GNAS: variants seen among roughly 807,000 people sequenced by gnomAD.
The protein encoded by GNAS is GNAS complex locus, also known as protein ALEX.
Under a neutral mutation model 54.5 loss-of-function variants are expected in GNAS, and 8 were observed. The ratio of observed to expected loss-of-function variants is 0.15; its 90% CI spans 0.09 to 0.26. The LOEUF is 0.26. Among genes scored for constraint, GNAS ranks in the 10% least tolerant of loss-of-function variants. The pLI is 1.00. For synonymous variants in GNAS, 204 were observed against 191.4 expected, an observed-to-expected ratio of 1.07 and a Z score of -0.54; for missense variants, 170 against 529.8, an observed-to-expected ratio of 0.32 and a Z score of 6.67.
Position 58,909,027 on chromosome 20 carries a change from A to G in GNAS, c.531-135A>G. ...ACAAATGTAACCAACACACAAGCAA[A>G]TGTGCCATTGACTTAGTGCTGCATA... On this transcript the variant is annotated intron_variant, in intron 6 of 12. Coordinates refer to ENST00000371085, the MANE Select transcript of GNAS (RefSeq NM_000516.7). This position sits in a 1 kb window ranked among gnomAD's most constrained non-coding sequence, Gnocchi z 7.3. 1.3e-6 allele frequency: 1 copy of G among 794,024 alleles called. No homozygotes were observed. The highest frequency in any genetic ancestry group is 2.4e-5 in the East Asian group (1 of 41,236). 49.2% of individuals were successfully genotyped at this position (794,024 alleles called of 1,614,324 possible).
At chr20:58,886,659 GA>G (rs111266946), upstream of GNAS, among the ~76,000 whole-genome samples, 7,248 of 147,488 alleles carry the variant, frequency 0.049, 206 homozygotes, top group Middle Eastern at 0.082. Flanking sequence ...TAAAAGACTT[GA>G]AAAAAAAAAA....
chr20:58,868,519 G>C (rs1266239648), intron 1 of GNAS, among the ~76,000 whole-genome samples: 2 of 149,520 alleles, frequency 1.3e-5, no homozygotes, highest in African/African-American at 5.0e-5. Flanking sequence ...AGATGTTAAG[G>C]CAGGCTCAAA....
upstream of GNAS, chr20:58,840,081 C>T (rs1483618274): frequency 4.4e-6 from 7 of 1,608,462 alleles, 1 homozygote; most frequent in South Asian, 7.7e-5. The surrounding 1 kb of genome is among the most constrained non-coding windows in gnomAD (Gnocchi z 6.0). Context: ...GAGGGCAGGC[C>T]GGCTTCTCGG....
At chr20:58,886,139 C>T (rs1206540684) in intron 1 of GNAS, among the ~76,000 whole-genome samples, 1 of 152,170 alleles carries the variant, frequency 6.6e-6, no homozygotes, top group Non-Finnish European at 1.5e-5. Flanking sequence ...TACCCAGGGG[C>T]CAAGGAACAC....
At chr20:58,855,387 G>A (rs1359890329) in intron 1 of GNAS, 8 of 1,501,684 alleles carry the variant, frequency 5.3e-6, no homozygotes, top group East Asian at 4.9e-5. Context: ...AACCGGGGAG[G>A]GGGTGGCAGG....
At chr20:58,840,026 G>A (rs1737892688), upstream of GNAS, 4 of 1,528,544 alleles carry the variant, frequency 2.6e-6, no homozygotes, top group South Asian at 1.1e-5. The surrounding 1 kb of genome is among the most constrained non-coding windows in gnomAD (Gnocchi z 6.0). Context: ...TACCTTTCCC[G>A]GCTCCAGCAG....
At chr20:58,905,244 T>G (rs1420338933) in intron 5 of GNAS, 139 bp from the exon 6 acceptor site, 3 of 689,096 alleles carry the variant, frequency 4.4e-6, no homozygotes, top group Admixed American at 4.2e-5. Context: ...TGAGCATTAA[T>G]TCATTAATTG....
At chr20:58,899,223 GTT>G (rs1462402819) in intron 3 of GNAS, among the ~76,000 whole-genome samples, 1 of 152,230 alleles carries the variant, frequency 6.6e-6, no homozygotes, top group African/African-American at 2.4e-5. Context: ...CTGGGGGAAA[GTT>G]ATAGATTTCA....
At chr20:58,907,186 A>G (rs910555602) in intron 6 of GNAS, among the ~76,000 whole-genome samples, 8 of 152,186 alleles carry the variant, frequency 5.3e-5, no homozygotes, top group African/African-American at 1.7e-4. Context: ...GGTCTGCGCA[A>G]TCTATCAACC....
Position 58,841,368 on chromosome 20 carries a change from G to C in GNAS, c.43+482G>C. The C allele has an allele frequency of 9.8e-7, 1 of 1,025,166 alleles. No individual in the cohort carries two copies. The highest frequency in any genetic ancestry group is 1.2e-6 in the Non-Finnish European group (1 of 854,126). The allele number at this position is 1,025,166 out of a possible 1,614,324, so 63.5% of individuals were successfully genotyped here. Reference sequence around the variant, plus strand: ...GCAGCCGCGCTGTAGAGACACCGTTGAAATGTGCGGAAAGTAATCTGAATG... The same window carrying C: ...GCAGCCGCGCTGTAGAGACACCGTTCAAATGTGCGGAAAGTAATCTGAATG... On this transcript the variant is annotated intron_variant, in intron 1 of 12. Transcript: ENST00000306090. This position sits in a 1 kb window ranked among gnomAD's most constrained non-coding sequence, Gnocchi z 5.0.
chr20:58,910,661 G>A lies in GNAS; in HGVS notation c.1039-22G>A. On this transcript the variant is annotated intron_variant, in intron 12 of 12. Transcript: ENST00000371085. This position sits in a 1 kb window ranked among gnomAD's most constrained non-coding sequence, Gnocchi z 5.8. ...TTCCTGGCGAGGGTGTCACTGACAA[G>A]TCCCCTTGTTTGTGCCCGCAGAGGA... 1 of 1,614,036 alleles carries A rather than the reference G, an allele frequency of 6.2e-7. No individual in the cohort carries two copies. Among genetic ancestry groups the A allele is most frequent in the Non-Finnish European group, 8.5e-7 (1 of 1,179,954 alleles).
intron 1 of GNAS, among the ~76,000 whole-genome samples, chr20:58,878,370 T>C (rs1408884988): frequency 6.6e-6 from 1 of 152,224 alleles, no homozygotes; most frequent in Non-Finnish European, 1.5e-5. Context: ...CACTTCTAAT[T>C]TGATGGTTAT....
intron 1 of GNAS, chr20:58,854,996 C>G: frequency 1.2e-6 from 2 of 1,612,548 alleles, no homozygotes; most frequent in Non-Finnish European, 1.7e-6. Context: ...ATGACTCCAG[C>G]GGAGACGAGT....
chr20:58,909,129 T>G lies in GNAS; in HGVS notation c.531-33T>G. The G allele has an allele frequency of 6.2e-7, 1 of 1,600,300 alleles. No homozygotes were observed. On this transcript the variant is annotated intron_variant, in intron 6 of 12. Transcript: ENST00000371085. This position sits in a 1 kb window ranked among gnomAD's most constrained non-coding sequence, Gnocchi z 7.3. ...AGTTGGCAAATTGATGTGAGCGCTG[T>G]GAACACCCCACGTGTCTTTCTTTTT...
rs1385345384 is a variant in GNAS, at chr20:58,895,667, T to C, written c.195T>C (p.Val65=). Residue 65 remains valine (V), a synonymous_variant, in exon 2 of 13, where the codon GTT becomes GTC. Transcript: ENST00000371085. ...TIVKQMRILH[V]NGFNGEGGEE... ...TGAAGCAGATGAGGATCCTGCATGT[T>C]AATGGGTTTAATGGAGAGTAAGTGT... is the stretch of plus-strand genomic sequence containing the variant. 1 of 1,578,652 alleles carries C rather than the reference T, an allele frequency of 6.3e-7. No individual in the cohort carries two copies. The highest frequency in any genetic ancestry group is 8.7e-7 in the Non-Finnish European group (1 of 1,147,502).
At chr20:58,908,764 A>G (rs1292925066) in intron 6 of GNAS, among the ~76,000 whole-genome samples, 1 of 152,178 alleles carries the variant, frequency 6.6e-6, no homozygotes. Context: ...AAAAATCAAG[A>G]ATATTGCCAG....
chr20:58,875,973 A>G (rs2087786130), intron 1 of GNAS, among the ~76,000 whole-genome samples: 1 of 152,208 alleles, frequency 6.6e-6, no homozygotes, highest in Non-Finnish European at 1.5e-5. Flanking sequence ...TGTATGTTAC[A>G]TAAACAGCCC....
intron 1 of GNAS, among the ~76,000 whole-genome samples, chr20:58,864,378 T>C (rs1331023778): frequency 1.3e-5 from 2 of 152,164 alleles, no homozygotes; most frequent in African/African-American, 2.4e-5. Flanking sequence ...TCTTAGGAAG[T>C]GTCCATCCTA....
At position 58,909,718 on chromosome 20, in the gene GNAS, C is replaced by T. The variant is rs1272546759; in HGVS notation, c.753C>T (p.Ser251=). 6.2e-7 allele frequency: 1 copy of T among 1,614,012 alleles called. No individual in the cohort carries two copies. The highest frequency in any genetic ancestry group is 8.5e-7 in the Non-Finnish European group (1 of 1,179,982). The change falls in exon 10 of 13, where the codon AGC becomes AGT. Residue 251 remains serine, a synonymous_variant. Coordinates refer to ENST00000371085, the MANE Select transcript of GNAS (RefSeq NM_000516.7). The surrounding 1 kb of genome is among the most constrained non-coding windows in gnomAD (Gnocchi z 7.3). Reference sequence around the variant, plus strand: ...CCATCATCTTCGTGGTGGCCAGCAGCAGCTACAACATGGTCATCCGGGAGG... The same window carrying T: ...CCATCATCTTCGTGGTGGCCAGCAGTAGCTACAACATGGTCATCCGGGAGG... ...VTAIIFVVAS[S]SYNMVIREDN...
Sources: gnomAD v4.1 joint callset for allele counts (sites outside exome capture counted in the v4.1 genomes callset) on GRCh38, gnomAD v4.1.1 for gene constraint, Gnocchi (gnomAD v3.1) non-coding constraint, MANE v1.5 for transcripts, NCBI Gene and HGNC (gene_info 2026-07-23, HGNC 2026-07-21) for gene names.